The following STPG2 variants were observed in gnomAD, a reference collection of about 807,000 sequenced individuals.
STPG2 encodes the protein sperm tail PG-rich repeat containing 2.
A neutral mutation model predicts 54.2 loss-of-function variants in STPG2; 56 were observed. The ratio of observed to expected loss-of-function variants is 1.03; its 90% CI spans 0.83 to 1.29. STPG2 has a LOEUF of 1.29. Among genes scored for constraint, STPG2 ranks in the 50% most tolerant of loss-of-function variants. The pLI is 0.00. For missense variants in STPG2, 596 were observed against 544.9 expected, an observed-to-expected ratio of 1.09 and a Z score of -0.93; for synonymous variants, 200 against 181.8, an observed-to-expected ratio of 1.10 and a Z score of -0.81.
chr4:97,709,992 G>A (rs921428802), intron 10 of STPG2, among the ~76,000 whole-genome samples: 2 of 151,796 alleles, frequency 1.3e-5, no homozygotes, highest in Admixed American at 1.3e-4. Context: ...TCTGTGGGTG[G>A]AACCTGAATC....
At chr4:97,844,573 C>A (rs1464283134) in intron 8 of STPG2, among the ~76,000 whole-genome samples, 2 of 151,838 alleles carry the variant, frequency 1.3e-5, no homozygotes, top group African/African-American at 4.8e-5. Flanking sequence ...TATAAGTTTC[C>A]TTTTTCTTGT....
chr4:98,142,039 T>G (rs989624090), intron 1 of STPG2, among the ~76,000 whole-genome samples: 1 of 151,938 alleles, frequency 6.6e-6, no homozygotes, highest in African/African-American at 2.4e-5. Flanking sequence ...AATTAAGGAT[T>G]GCAAAGTGTC....
intron 8 of STPG2, among the ~76,000 whole-genome samples, chr4:97,897,270 G>C (rs565354406): frequency 2.0e-5 from 3 of 151,722 alleles, no homozygotes; most frequent in Non-Finnish European, 4.4e-5. Flanking sequence ...AGTATTCCAT[G>C]GTATATACGT....
intron 10 of STPG2, among the ~76,000 whole-genome samples, chr4:97,566,746 A>C (rs907460486): frequency 8.6e-5 from 13 of 151,880 alleles, no homozygotes; most frequent in Non-Finnish European, 1.8e-4. Context: ...CATGGATGAA[A>C]TTGGAAATCA....
chr4:98,056,659 A>G (rs972099150), intron 5 of STPG2, among the ~76,000 whole-genome samples: 1 of 151,992 alleles, frequency 6.6e-6, no homozygotes, highest in Non-Finnish European at 1.5e-5. Flanking sequence ...AAGGTCAGCA[A>G]CTGATATAGT....
At chr4:97,852,414 T>A (rs1729188785) in intron 8 of STPG2, among the ~76,000 whole-genome samples, 1 of 152,182 alleles carries the variant, frequency 6.6e-6, no homozygotes, top group Admixed American at 6.5e-5. Context: ...TTATTAACTT[T>A]AAGAGGCCCT....
At chr4:97,835,323 T>A (rs934122131) in intron 9 of STPG2, among the ~76,000 whole-genome samples, 5 of 152,120 alleles carry the variant, frequency 3.3e-5, no homozygotes, top group African/African-American at 1.2e-4. Context: ...AATTCTCAGT[T>A]CTAAGAAATG....
chr4:98,089,785 C>T (rs1231439205), intron 5 of STPG2, among the ~76,000 whole-genome samples: 31 of 150,704 alleles, frequency 2.1e-4, no homozygotes, highest in Admixed American at 2.1e-3. Context: ...GATTTTAATT[C>T]GTATTTCCCT....
At chr4:97,973,747 C>A (rs540466863) in intron 6 of STPG2, among the ~76,000 whole-genome samples, 3 of 115,636 alleles carry the variant, frequency 2.6e-5, no homozygotes, top group South Asian at 3.4e-4. Context: ...ACGTAGAGCT[C>A]AGGCCGTGGT....
intron 3 of STPG2, among the ~76,000 whole-genome samples, chr4:98,121,912 G>A: frequency 6.6e-6 from 1 of 151,998 alleles, no homozygotes; most frequent in East Asian, 1.9e-4. Context: ...AGTACAGACG[G>A]AGTTTCACCA....
chr4:97,609,225 C>T (rs1046214343), intron 10 of STPG2, among the ~76,000 whole-genome samples: 1 of 151,976 alleles, frequency 6.6e-6, no homozygotes, highest in South Asian at 2.1e-4. Context: ...AAAATCCACA[C>T]ATTGTGCTTT....
At chr4:97,953,593 G>A (rs971104315) in intron 7 of STPG2, among the ~76,000 whole-genome samples, 1 of 152,168 alleles carries the variant, frequency 6.6e-6, no homozygotes, top group African/African-American at 2.4e-5. Context: ...TCACACTGGA[G>A]ACCAAAAATG....
intron 4 of STPG2, among the ~76,000 whole-genome samples, chr4:97,491,052 T>C (rs1343020011): frequency 6.6e-6 from 1 of 151,604 alleles, no homozygotes; most frequent in Non-Finnish European, 1.5e-5. Flanking sequence ...AGGATTACTG[T>C]CTTTCTTAAC....
chr4:97,793,774 T>C (rs1338716955), intron 9 of STPG2, among the ~76,000 whole-genome samples: 1 of 152,040 alleles, frequency 6.6e-6, no homozygotes. Flanking sequence ...CAAACTCTAT[T>C]ATGTGTGCAT....
intron 8 of STPG2, among the ~76,000 whole-genome samples, chr4:97,852,672 T>C (rs1312823930): frequency 6.6e-6 from 1 of 152,154 alleles, no homozygotes; most frequent in Non-Finnish European, 1.5e-5. Context: ...TATGTAGTTA[T>C]ATTGAGACTG....
At chr4:98,098,748 T>C (rs767682625) in intron 5 of STPG2, among the ~76,000 whole-genome samples, 5 of 152,070 alleles carry the variant, frequency 3.3e-5, no homozygotes, top group Non-Finnish European at 5.9e-5. Flanking sequence ...AACGAGAACA[T>C]ATAAGGAGCT....
chr4:98,065,764 C>T (rs975241231), intron 5 of STPG2, among the ~76,000 whole-genome samples: 1 of 152,076 alleles, frequency 6.6e-6, no homozygotes, highest in African/African-American at 2.4e-5. Context: ...AACCCAGATC[C>T]TGATGACTTC....
At chr4:98,037,089 T>C (rs751652875) in intron 5 of STPG2, among the ~76,000 whole-genome samples, 11 of 152,046 alleles carry the variant, frequency 7.2e-5, no homozygotes, top group Non-Finnish European at 1.0e-4. Context: ...CAGGTAGTTT[T>C]ATAAACAATT....
At chr4:97,852,301 C>T (rs748041746) in intron 8 of STPG2, among the ~76,000 whole-genome samples, 9 of 152,120 alleles carry the variant, frequency 5.9e-5, no homozygotes, top group Non-Finnish European at 1.0e-4. Context: ...TTCAGTATGG[C>T]AAGAACTATC....
Sources: allele counts gnomAD v4.1 joint callset (sites outside exome capture counted in the v4.1 genomes callset), GRCh38; gene constraint gnomAD v4.1.1; transcripts MANE v1.5; gene names NCBI Gene and HGNC (gene_info 2026-07-23, HGNC 2026-07-21).